Variants in NFIC observed in about 807,000 individuals in gnomAD.
NFIC encodes nuclear factor I C, also known as nuclear factor 1 C-type.
Under a neutral mutation model 54.4 loss-of-function variants are expected in NFIC, and 12 were observed. The ratio of observed to expected loss-of-function variants is 0.22; its 90% confidence interval spans 0.14 to 0.36. NFIC has a LOEUF of 0.36. Ranked by LOEUF, NFIC falls within the 10% of genes least tolerant of loss-of-function variation. The pLI, the probability that NFIC is intolerant of heterozygous loss-of-function variation, is 1.00. For synonymous variants in NFIC, 322 were observed against 319.2 expected (o/e 1.01, Z -0.09); for missense variants, 575 against 718.2 (o/e 0.80, Z 2.28).
chr19:3,417,971 T>C (rs1021446527), intron 2 of NFIC, among the ~76,000 whole-genome samples: 2 of 47,518 alleles, frequency 4.2e-5, no homozygotes, highest in Non-Finnish European at 9.5e-5. Context: ...CACAGTGCAC[T>C]AGAATATTCC....
At position 3,464,070 on chromosome 19, in the gene NFIC, G is replaced by C. The variant is rs2082681832; in HGVS notation, c.*1301G>C. 1 of 984,680 alleles carries C rather than the reference G, an allele frequency of 1.0e-6. No homozygotes were observed. The highest frequency in any genetic ancestry group is 1.8e-5 in the African/African-American group (1 of 57,064). 61.0% of individuals were successfully genotyped at this position (984,680 alleles called of 1,614,324 possible). The stretch of plus-strand genomic sequence containing the variant: ...CGCGGGGGTGGGCTCTGGGGAAGCC[G>C]GTGCGCCCCCCACGCCTCCGCTGCC... On this transcript the variant is annotated 3_prime_UTR_variant, in exon 11 of 11. Transcript: ENST00000443272.
At position 3,380,919 on chromosome 19, in the gene NFIC, G is replaced by A. The variant is rs1175367255; in HGVS notation, c.31-793G>A. ...TCCTCCCTCCTCGGCCTCCCGAAGC[G>A]CTGGGATTACAAGTGTGAGCCATTA... On this transcript the variant is annotated intron_variant, in intron 1 of 10. Coordinates refer to ENST00000443272, the MANE Select transcript of NFIC (RefSeq NM_001245002.2). Among the ~76,000 whole-genome samples, 10 of 152,176 alleles carry A rather than the reference G, an allele frequency of 6.6e-5. No individual in the cohort carries two copies. In the South Asian group the frequency reaches 8.3e-4, roughly 13 times the overall value.
At chr19:3,366,960 C>T (rs1375540295) in intron 1 of NFIC, among the ~76,000 whole-genome samples, 2 of 121,832 alleles carry the variant, frequency 1.6e-5, no homozygotes, top group Admixed American at 7.5e-5. Context: ...AGATTTGCGT[C>T]CCCCCCCCAC....
At chr19:3,429,848 C>T (rs1018628872) in intron 3 of NFIC, among the ~76,000 whole-genome samples, 1 of 152,232 alleles carries the variant, frequency 6.6e-6, no homozygotes, top group African/African-American at 2.4e-5. Flanking sequence ...GTTCCCAGTG[C>T]CGGGAACATC....
chr19:3,371,885 T>C (rs1014952118), intron 1 of NFIC, among the ~76,000 whole-genome samples: 2 of 47,922 alleles, frequency 4.2e-5, no homozygotes, highest in South Asian at 2.0e-3. Context: ...TTCTCTCTCC[T>C]TCCTTCCTTC....
At chr19:3,449,441 A>T (rs1024075054) in intron 7 of NFIC, among the ~76,000 whole-genome samples, 1 of 150,420 alleles carries the variant, frequency 6.6e-6, no homozygotes, top group African/African-American at 2.4e-5. Flanking sequence ...CCAACCCCAG[A>T]CACTGATGGA....
At chr19:3,387,763 C>T (rs889042442) in intron 2 of NFIC, among the ~76,000 whole-genome samples, 1 of 150,634 alleles carries the variant, frequency 6.6e-6, no homozygotes, top group East Asian at 2.0e-4. Context: ...TAGTGAGTGG[C>T]GAGGGCCGTC....
intron 2 of NFIC, among the ~76,000 whole-genome samples, chr19:3,401,125 G>C (rs2081548364): frequency 6.6e-6 from 1 of 152,236 alleles, no homozygotes; most frequent in African/African-American, 2.4e-5. Context: ...GAGGAGGCCT[G>C]TGTGGCTGCA....
At chr19:3,441,123 C>CT (rs1244623486) in intron 6 of NFIC, among the ~76,000 whole-genome samples, 2 of 152,204 alleles carry the variant, frequency 1.3e-5, no homozygotes, top group Non-Finnish European at 2.9e-5. Flanking sequence ...CGCTTTTTCT[C>CT]TATGTCCCTT....
In NFIC at chr19:3,459,404, C is replaced by T. The variant is rs1310120509; in HGVS notation, c.1509+2769C>T. ...CCCCTCCCCTCTGTGATGTCCTTCACGCCCCTACATTTCTCCTGCACGGGA... is the reference window on the plus strand; with the variant it reads ...CCCCTCCCCTCTGTGATGTCCTTCATGCCCCTACATTTCTCCTGCACGGGA... On this transcript the variant is annotated intron_variant, in intron 10 of 10. Coordinates refer to ENST00000443272, the MANE Select transcript of NFIC (RefSeq NM_001245002.2). This position sits in a 1 kb window ranked among gnomAD's most constrained non-coding sequence, Gnocchi z 4.2. Among the ~76,000 whole-genome samples the T allele has an allele frequency of 5.9e-5, 9 of 152,146 alleles. No homozygotes were observed. Among genetic ancestry groups the T allele is most frequent in the East Asian group, 1.9e-4 (1 of 5,184 alleles).
At chr19:3,389,435 C>G (rs1333013515) in intron 2 of NFIC, among the ~76,000 whole-genome samples, 1 of 152,174 alleles carries the variant, frequency 6.6e-6, no homozygotes, top group African/African-American at 2.4e-5. Context: ...CCGTCCTCTT[C>G]TGCCTTTATT....
At chr19:3,442,108 A>G (rs1381384332) in intron 6 of NFIC, among the ~76,000 whole-genome samples, 1 of 152,142 alleles carries the variant, frequency 6.6e-6, no homozygotes. Flanking sequence ...CCACACCTCC[A>G]GGCCCCACAT....
In NFIC at chr19:3,458,376, C is replaced by T. The variant is rs1349854064; in HGVS notation, c.1509+1741C>T. ...CAGAAACCAAAGCTAATAAAAGCTG[C>T]GGTGGGAGGAGGCCCAGCCCGCTTA... On this transcript the variant is annotated intron_variant, in intron 10 of 10. Coordinates refer to ENST00000443272, the MANE Select transcript of NFIC (RefSeq NM_001245002.2). This position sits in a 1 kb window ranked among gnomAD's most constrained non-coding sequence, Gnocchi z 4.1. Among the ~76,000 whole-genome samples, 2 of 152,138 alleles carry T rather than the reference C, an allele frequency of 1.3e-5. No homozygotes were observed. The highest frequency in any genetic ancestry group is 2.1e-4 in the South Asian group (1 of 4,822).
intron 6 of NFIC, among the ~76,000 whole-genome samples, chr19:3,438,354 AGAG>A (rs1352903295): frequency 6.6e-6 from 1 of 151,744 alleles, no homozygotes; most frequent in African/African-American, 2.4e-5. Context: ...AGGGAATGTC[AGAG>A]GAGGTCTGTG....
intron 3 of NFIC, among the ~76,000 whole-genome samples, chr19:3,431,116 G>A (rs1384994829): frequency 6.6e-6 from 1 of 151,546 alleles, no homozygotes; most frequent in African/African-American, 2.4e-5. Flanking sequence ...TCACTCTGAT[G>A]CCCAGGCTGG....
chr19:3,449,170 G>A (rs1310360567), intron 7 of NFIC, 31 bp downstream of exon 7: 1 of 1,600,350 alleles, frequency 6.2e-7, no homozygotes, highest in Non-Finnish European at 8.5e-7. Flanking sequence ...GCGGGGAGGG[G>A]CGGCGGGCCC....
upstream of NFIC, chr19:3,366,538 GGGGGGGGTTGGGGGGGGC>G (rs2080886844): frequency 7.0e-6 from 4 of 572,450 alleles, no homozygotes; most frequent in Non-Finnish European, 8.3e-6. Context: ...GCGGGGCGGG[GGGGGGGGTTGGGGGGGGC>G]GGGGGGGTGG....
intron 2 of NFIC, among the ~76,000 whole-genome samples, chr19:3,400,093 C>T (rs1009656893): frequency 2.6e-5 from 4 of 152,216 alleles, no homozygotes; most frequent in Admixed American, 2.0e-4. Context: ...AGTGGAACCA[C>T]TTTGCAGCCA....
rs1447126271 is a variant in NFIC at position 3,466,230 on chromosome 19, T to C, written c.*3461T>C. The C allele has an allele frequency of 6.6e-6, 1 of 151,484 alleles. No homozygotes were observed. The highest frequency in any genetic ancestry group is 1.5e-5 in the Non-Finnish European group (1 of 67,922). 9.4% of individuals were successfully genotyped at this position (151,484 alleles called of 1,614,324 possible). On this transcript the variant is annotated 3_prime_UTR_variant, in exon 11 of 11. Transcript: ENST00000443272. The surrounding 1 kb of genome is among the most constrained non-coding windows in gnomAD (Gnocchi z 4.8). ...ATTTTATTTTCTTTTGTTCTTTTTT[T>C]TTTTCTTTTCTTTTTGTTTTTAACT...
Sources: gnomAD v4.1 joint callset for allele counts (sites outside exome capture counted in the v4.1 genomes callset) on GRCh38, gnomAD v4.1.1 for gene constraint, Gnocchi (gnomAD v3.1) non-coding constraint, MANE v1.5 for transcripts, NCBI Gene and HGNC (gene_info 2026-07-23, HGNC 2026-07-21) for gene names.